The following SCIN variants were observed in gnomAD, a reference collection of about 807,000 sequenced individuals.
SCIN encodes the protein scinderin, also known as adseverin.
In SCIN, 91 loss-of-function variants were observed where a neutral mutation model predicts 91.8. The observed-to-expected ratio is 0.99, with a 90% CI of 0.84 to 1.18. SCIN has a LOEUF of 1.18. SCIN is among the 50% of genes most tolerant of loss of function. The probability of loss-of-function intolerance (pLI) is 0.00; values close to 1 mark genes in which losing one functional copy is unlikely to be tolerated. For synonymous variants in SCIN, 367 were observed against 312.6 expected, an observed-to-expected ratio of 1.17 and a Z score of -1.84; for missense variants, 1,087 against 863.9, an observed-to-expected ratio of 1.26 and a Z score of -3.24.
chr7:12,628,044 T>C (rs879464259), intron 8 of SCIN, among the ~76,000 whole-genome samples: 2,387 of 151,606 alleles, frequency 0.016, 23 homozygotes, highest in Middle Eastern at 0.027. Flanking sequence ...TGTGTGTGTG[T>C]GTGTGTGTGT....
intron 1 of SCIN, chr7:12,577,575 G>A (rs1420351718): frequency 5.3e-5 from 24 of 456,390 alleles, no homozygotes; most frequent in East Asian, 6.9e-5. Context: ...AACAGGCCGG[G>A]CATGGTGGCT....
intron 4 of SCIN, among the ~76,000 whole-genome samples, chr7:12,609,511 A>AAAAC (rs1163260670): frequency 1.3e-5 from 2 of 152,134 alleles, no homozygotes; most frequent in African/African-American, 2.4e-5. Flanking sequence ...AGGAAAGCAA[A>AAAAC]AAACAAACAA....
chr7:12,592,581 C>T (rs755135187), intron 3 of SCIN, among the ~76,000 whole-genome samples: 6 of 151,272 alleles, frequency 4.0e-5, no homozygotes, highest in South Asian at 2.1e-4. Flanking sequence ...GCCGGACTAG[C>T]GGAGAGGAGC....
Position 12,658,056 on chromosome 7 carries a change from A to T in SCIN, c.*5341A>T, listed in dbSNP as rs1206105863. ...ATTGTTTTCCATTATTTCTGTGCTG[A>T]TTGCAAACAATACTGAATTAAAATA... is the stretch of plus-strand genomic sequence containing the variant. On this transcript the variant is annotated 3_prime_UTR_variant, in exon 16 of 16. Transcript: ENST00000297029. The T allele has an allele frequency of 1.3e-5, 2 of 152,198 alleles. No homozygotes were observed. Among genetic ancestry groups the T allele is most frequent in the African/African-American group, 4.8e-5 (2 of 41,444 alleles). The allele number at this position is 152,198 out of a possible 1,614,324, so 9.4% of individuals were successfully genotyped here.
chr7:12,646,563 T>TA (rs1021990495), intron 13 of SCIN, among the ~76,000 whole-genome samples: 1 of 152,182 alleles, frequency 6.6e-6, no homozygotes, highest in Non-Finnish European at 1.5e-5. Context: ...GGAGTGATTT[T>TA]ACACTAGGCT....
rs143279398 is a variant in SCIN, at chr7:12,604,348, A to G, written c.517-166A>G. On this transcript the variant is annotated intron_variant, in intron 3 of 15. Transcript: ENST00000297029. The stretch of plus-strand genomic sequence containing the variant: ...TAAAAACTGCTTACTTTGTAATGCT[A>G]ACTGAAAGCAGCAGGATGCAGAATG... Among the ~76,000 whole-genome samples, 908 of 152,290 alleles carry G rather than the reference A, an allele frequency of 6.0e-3. 9 individuals are homozygous for G. Among genetic ancestry groups the G allele is most frequent in the African/African-American group, 0.02 (835 of 41,540 alleles).
intron 4 of SCIN, among the ~76,000 whole-genome samples, chr7:12,619,153 C>T (rs1257949483): frequency 6.6e-6 from 1 of 152,070 alleles, no homozygotes; most frequent in Non-Finnish European, 1.5e-5. Context: ...ACCAGCTTGG[C>T]ACATTTTCAT....
chr7:12,582,686 A>T (rs1315969174), intron 3 of SCIN, among the ~76,000 whole-genome samples: 1 of 152,158 alleles, frequency 6.6e-6, no homozygotes, highest in Non-Finnish European at 1.5e-5. Flanking sequence ...AACAGATTTA[A>T]GTCCTGACTC....
At chr7:12,598,245 T>C (rs1330842088) in intron 3 of SCIN, among the ~76,000 whole-genome samples, 1 of 152,200 alleles carries the variant, frequency 6.6e-6, no homozygotes, top group African/African-American at 2.4e-5. Context: ...ATGAAGGAAT[T>C]TATTTTTTAA....
chr7:12,652,681 G>A lies in SCIN; in HGVS notation c.2114G>A (p.Gly705Asp), dbSNP rs775414184. 2 of 1,605,720 alleles carry A rather than the reference G, an allele frequency of 1.2e-6. No homozygotes were observed. Among genetic ancestry groups the A allele is most frequent in the African/African-American group, 1.4e-5 (1 of 74,042 alleles). Residue 705 changes from glycine to aspartate, a missense_variant, in exon 16 of 16, where the codon GGC becomes GAC. Physicochemically the swap from Gly to Asp is moderately conservative, Grantham distance 94. Coordinates refer to ENST00000297029, the MANE Select transcript of SCIN (RefSeq NM_001112706.3). ...KQGHEPPTFT[G>D]WFLGWDSSKW ...GGCCATGAGCCACCCACATTCACAG[G>A]CTGGTTCCTGGGCTGGGATTCCAGC...
At chr7:12,580,796 A>G (rs539088583) in intron 2 of SCIN, among the ~76,000 whole-genome samples, 1 of 152,236 alleles carries the variant, frequency 6.6e-6, no homozygotes, top group Non-Finnish European at 1.5e-5. Context: ...GCAGCGTTTT[A>G]TACACTGAAG....
At chr7:12,631,066 T>C (rs1426193479) in intron 9 of SCIN, among the ~76,000 whole-genome samples, 1 of 152,212 alleles carries the variant, frequency 6.6e-6, no homozygotes, top group African/African-American at 2.4e-5. Flanking sequence ...AAGCAAGTAA[T>C]GCAAAAGAGT....
intron 3 of SCIN, among the ~76,000 whole-genome samples, chr7:12,599,730 G>A (rs1181268416): frequency 1.3e-5 from 2 of 151,806 alleles, no homozygotes; most frequent in African/African-American, 4.8e-5. Flanking sequence ...GAGTGAGGTG[G>A]TATCGCATTG....
At position 12,581,222 on chromosome 7, in the gene SCIN, G is replaced by T; in HGVS notation, c.516+1G>T. On this transcript the variant is annotated splice_donor_variant, in intron 3 of 15. Coordinates refer to ENST00000297029, the MANE Select transcript of SCIN (RefSeq NM_001112706.3). LOFTEE classifies it high-confidence loss of function. ...CTGCTTCATCATTGACCTTGGCACC[G>T]TAAGTTTCATATATACACATCGATG... 6.4e-7 allele frequency: 1 copy of T among 1,550,878 alleles called. No individual in the cohort carries two copies. Among genetic ancestry groups the T allele is most frequent in the Non-Finnish European group, 8.7e-7 (1 of 1,146,462 alleles).
chr7:12,629,005 A>C, intron 8 of SCIN, 96 bp from the exon 9 acceptor site: 1 of 1,046,828 alleles, frequency 9.6e-7, no homozygotes, highest in Non-Finnish European at 1.3e-6. Flanking sequence ...AAAGTTGTTT[A>C]ATAATGGATT....
rs10659954 is a variant in SCIN, at chr7:12,599,370, A to AGTGTGTGTGTGTGTGT, written c.517-5131_517-5116dup. On this transcript the variant is annotated intron_variant, in intron 3 of 15. Transcript: ENST00000297029. Reference sequence around the variant, plus strand: ...AAACACTGCTTTGTATTTCATGGTGAGTGTGTGTGTGTGTGTGTGTGTGTG... The same window carrying AGTGTGTGTGTGTGTGT: ...AAACACTGCTTTGTATTTCATGGTGAGTGTGTGTGTGTGTGTGTGTGTGTGTGTGTGTGTGTGTGTG... 2.7e-5 allele frequency among the ~76,000 whole-genome samples: 4 copies of AGTGTGTGTGTGTGTGT among 149,338 alleles called. No homozygotes were observed. In the South Asian group the frequency reaches 6.4e-4, roughly 24 times the overall value.
At chr7:12,573,362 G>C (rs2115197821) in intron 1 of SCIN, among the ~76,000 whole-genome samples, 1 of 152,186 alleles carries the variant, frequency 6.6e-6, no homozygotes, top group African/African-American at 2.4e-5. Flanking sequence ...GAAGAAACAG[G>C]CCAAATGGGA....
At chr7:12,593,671 C>G (rs1282314774) in intron 3 of SCIN, among the ~76,000 whole-genome samples, 1 of 152,044 alleles carries the variant, frequency 6.6e-6, no homozygotes, top group African/African-American at 2.4e-5. Context: ...TTAAGTTTTT[C>G]AAAATTTACA....
At chr7:12,580,063 A>T (rs1253487343) in intron 2 of SCIN, among the ~76,000 whole-genome samples, 1 of 152,128 alleles carries the variant, frequency 6.6e-6, no homozygotes, top group East Asian at 1.9e-4. Context: ...ATTGTCCTGA[A>T]ATTAACATTT....
Sources: gnomAD v4.1 joint callset for allele counts (sites outside exome capture counted in the v4.1 genomes callset) on GRCh38, gnomAD v4.1.1 for gene constraint, MANE v1.5 for transcripts, NCBI Gene and HGNC (gene_info 2026-07-23, HGNC 2026-07-21) for gene names.